Variants in PDE1C observed in about 807,000 individuals in gnomAD.
The protein encoded by PDE1C is dual specificity calcium/calmodulin-dependent 3',5'-cyclic nucleotide phosphodiesterase 1C.
PDE1C carries 62 observed loss-of-function variants against 93.1 expected under a neutral mutation model. That is an observed-to-expected ratio of 0.67 (90% CI 0.54 to 0.82). The LOEUF (loss-of-function observed/expected upper bound fraction) is 0.82. PDE1C is among the 40% of genes least tolerant of loss of function. The pLI, the probability that PDE1C is intolerant of heterozygous loss-of-function variation, is 0.00. For missense variants in PDE1C, 742 were observed against 884.6 expected, an observed-to-expected ratio of 0.84 and a Z score of 2.04; for synonymous variants, 325 against 310.1, an observed-to-expected ratio of 1.05 and a Z score of -0.50.
At chr7:31,823,894 A>G (rs924764457) in intron 13 of PDE1C, among the ~76,000 whole-genome samples, 6 of 152,178 alleles carry the variant, frequency 3.9e-5, no homozygotes, top group Admixed American at 3.3e-4. Context: ...AAGTGGTTAA[A>G]GAAGTGACTG....
chr7:32,409,914 G>T (rs892083831), intron 1 of PDE1C, among the ~76,000 whole-genome samples: 2 of 151,724 alleles, frequency 1.3e-5, no homozygotes, highest in Non-Finnish European at 2.9e-5. Flanking sequence ...AATGTATACA[G>T]ATTCTAATAA....
At chr7:32,166,209 G>C (rs950061641) in intron 3 of PDE1C, among the ~76,000 whole-genome samples, 4 of 152,086 alleles carry the variant, frequency 2.6e-5, no homozygotes, top group African/African-American at 9.7e-5. Context: ...TTGGGTGGTG[G>C]GGGAGAGAAA....
At chr7:31,696,500 T>C in the PDE1C span, among the ~76,000 whole-genome samples, 2 of 152,200 alleles carry the variant, frequency 1.3e-5, no homozygotes, top group Admixed American at 6.5e-5. Context: ...AAAATTTCAC[T>C]GTAGCATAGA....
At chr7:32,260,039 G>C (rs1008986051) in intron 1 of PDE1C, among the ~76,000 whole-genome samples, 2 of 152,134 alleles carry the variant, frequency 1.3e-5, no homozygotes, top group Non-Finnish European at 2.9e-5. Flanking sequence ...TCTGAGGACC[G>C]GGCCCAACCA....
intron 2 of PDE1C, among the ~76,000 whole-genome samples, chr7:32,041,068 G>A (rs760382827): frequency 3.7e-4 from 56 of 152,152 alleles, no homozygotes; most frequent in East Asian, 7.7e-4. Context: ...ACTGAATTCC[G>A]GTACTGAAGT....
intron 3 of PDE1C, among the ~76,000 whole-genome samples, chr7:32,113,236 AATATATATATAT>A (rs35138046): frequency 1.3e-4 from 12 of 94,020 alleles, no homozygotes; most frequent in Admixed American, 2.1e-4. Flanking sequence ...ATTGTCCTTA[AATATATATATAT>A]ATATATATAT....
intron 2 of PDE1C, among the ~76,000 whole-genome samples, chr7:32,205,636 C>G (rs73304654): frequency 0.038 from 5,764 of 152,226 alleles, 376 homozygotes; most frequent in African/African-American, 0.13. Flanking sequence ...CTGCTTGTGC[C>G]CTGCAGAAGC....
the PDE1C span, among the ~76,000 whole-genome samples, chr7:31,715,293 C>A: frequency 6.6e-6 from 1 of 151,786 alleles, no homozygotes; most frequent in African/African-American, 2.4e-5. Flanking sequence ...GAGCAGAGTG[C>A]AGTAGCACAA....
intron 2 of PDE1C, among the ~76,000 whole-genome samples, chr7:32,026,052 A>G (rs910180444): frequency 6.6e-6 from 1 of 151,982 alleles, no homozygotes; most frequent in African/African-American, 2.4e-5. Context: ...CACCTCACAC[A>G]CAAGCGTGTG....
chr7:32,188,517 G>A (rs1225489776), intron 2 of PDE1C, among the ~76,000 whole-genome samples: 1 of 151,972 alleles, frequency 6.6e-6, no homozygotes, highest in African/African-American at 2.4e-5. Context: ...TTATATTTCA[G>A]TGAGGATTTT....
chr7:31,871,682 C>A (rs1328217205), intron 6 of PDE1C, among the ~76,000 whole-genome samples: 10 of 144,368 alleles, frequency 6.9e-5, no homozygotes, highest in African/African-American at 2.3e-4. Flanking sequence ...GTAAGAATGG[C>A]TGTTATGGTT....
chr7:31,720,886 G>A, the PDE1C span, among the ~76,000 whole-genome samples: 1 of 152,120 alleles, frequency 6.6e-6, no homozygotes, highest in Non-Finnish European at 1.5e-5. Flanking sequence ...AAGAATCAGT[G>A]CCTTGTTTTA....
intron 1 of PDE1C, among the ~76,000 whole-genome samples, chr7:32,216,231 A>G (rs1806421428): frequency 6.6e-6 from 1 of 152,194 alleles, no homozygotes; most frequent in Non-Finnish European, 1.5e-5. Flanking sequence ...ATCGTCTTCT[A>G]GGTAGGACCT....
intron 6 of PDE1C, among the ~76,000 whole-genome samples, chr7:31,866,850 C>G (rs1795359882): frequency 1.3e-5 from 2 of 152,048 alleles, no homozygotes; most frequent in African/African-American, 4.8e-5. Context: ...ACCTTGGACT[C>G]CTGTATCCTA....
At chr7:32,112,174 T>A (rs1798678435) in intron 3 of PDE1C, among the ~76,000 whole-genome samples, 1 of 152,136 alleles carries the variant, frequency 6.6e-6, no homozygotes, top group Non-Finnish European at 1.5e-5. Flanking sequence ...CTTGGGAAAC[T>A]CATCTTAGAT....
chr7:32,177,531 C>T (rs987367811), intron 2 of PDE1C, among the ~76,000 whole-genome samples: 6 of 152,134 alleles, frequency 3.9e-5, no homozygotes, highest in Non-Finnish European at 8.8e-5. Context: ...ACAAACCAAC[C>T]GACCCAGAGT....
At chr7:32,332,053 G>C (rs1000632145) in intron 1 of PDE1C, among the ~76,000 whole-genome samples, 1 of 152,158 alleles carries the variant, frequency 6.6e-6, no homozygotes, top group Non-Finnish European at 1.5e-5. Context: ...CATAGCCAGA[G>C]AATAAGTGCC....
the PDE1C span, among the ~76,000 whole-genome samples, chr7:31,657,812 A>T: frequency 6.6e-6 from 1 of 152,222 alleles, no homozygotes; most frequent in Non-Finnish European, 1.5e-5. Flanking sequence ...ACTTCTCATT[A>T]TGAGACCAAA....
the PDE1C span, among the ~76,000 whole-genome samples, chr7:31,729,408 A>T: frequency 6.6e-6 from 1 of 152,230 alleles, no homozygotes; most frequent in Non-Finnish European, 1.5e-5. Flanking sequence ...AAGAGGGGGC[A>T]CTTACTGAGG....
Sources: gnomAD v4.1 joint callset for allele counts (sites outside exome capture counted in the v4.1 genomes callset) on GRCh38, gnomAD v4.1.1 for gene constraint, MANE v1.5 for transcripts, NCBI Gene and HGNC (gene_info 2026-07-23, HGNC 2026-07-21) for gene names.